The following MYO16 variants were observed in gnomAD, a reference collection of about 807,000 sequenced individuals.
MYO16 encodes unconventional myosin-XVI.
In MYO16, 94 loss-of-function variants were observed where a neutral mutation model predicts 205.3. The observed-to-expected ratio is 0.46, with a 90% CI of 0.39 to 0.54. The LOEUF is 0.54. Ranked by LOEUF, MYO16 falls within the 20% of genes least tolerant of loss-of-function variation. MYO16 has a pLI of 0.00. For synonymous variants in MYO16, 988 were observed against 954.0 expected, an observed-to-expected ratio of 1.04 and a Z score of -0.66; for missense variants, 2,315 against 2,387.5, an observed-to-expected ratio of 0.97 and a Z score of 0.63.
chr13:108,991,826 A>G (rs993482159), intron 20 of MYO16, among the ~76,000 whole-genome samples: 1 of 152,264 alleles, frequency 6.6e-6, no homozygotes, highest in Admixed American at 6.5e-5. Flanking sequence ...GGAGATAGCC[A>G]CGAGAACTAT....
chr13:109,112,947 T>C (rs563288427), intron 28 of MYO16, among the ~76,000 whole-genome samples: 4 of 152,336 alleles, frequency 2.6e-5, no homozygotes, highest in African/African-American at 9.6e-5. Context: ...TATCTCACAG[T>C]TAAGTTGAAT....
chr13:108,652,267 C>A (rs1427390792), intron 1 of MYO16, among the ~76,000 whole-genome samples: 7 of 152,118 alleles, frequency 4.6e-5, no homozygotes. Context: ...TCTCAGAATT[C>A]CTAGCAAATA....
chr13:108,706,720 A>T (rs558264287), intron 2 of MYO16, among the ~76,000 whole-genome samples: 105 of 152,324 alleles, frequency 6.9e-4, no homozygotes, highest in African/African-American at 2.3e-3. Flanking sequence ...CTGGATTGGG[A>T]TTGGAGAATC....
At chr13:108,823,323 G>C in intron 9 of MYO16, 45 bp downstream of exon 9, 1 of 1,547,312 alleles carries the variant, frequency 6.5e-7, no homozygotes, top group East Asian at 2.3e-5. Context: ...TTCTCTACCT[G>C]CTGGTCATTT....
chr13:108,576,984 C>T, the MYO16 span, among the ~76,000 whole-genome samples: 1 of 152,172 alleles, frequency 6.6e-6, no homozygotes, highest in African/African-American at 2.4e-5. Context: ...TGGTCTTGCA[C>T]TCCTGACCTC....
At chr13:108,873,018 C>T (rs1358636712) in intron 12 of MYO16, among the ~76,000 whole-genome samples, 3 of 152,112 alleles carry the variant, frequency 2.0e-5, no homozygotes, top group Admixed American at 6.6e-5. Context: ...AGTGGTTATT[C>T]CCTGTAGCAA....
Position 108,629,721 on chromosome 13 carries a change from T to C in MYO16, c.-124T>C, listed in dbSNP as rs1398733708. On this transcript the variant is annotated 5_prime_UTR_variant, in exon 1 of 35. The change abolishes the stop of an existing upstream ORF in the 5' untranslated region. Transcript: ENST00000457511. ...ATCATGGAACAGAGCCTCCATGCAA[T>C]AGTGCATCCTGAGGTAAACTGTTAC... The C allele has an allele frequency of 3.7e-5, 30 of 810,678 alleles. No individual in the cohort carries two copies. Among genetic ancestry groups the C allele is most frequent in the Non-Finnish European group, 5.3e-5 (27 of 513,286 alleles). The allele number at this position is 810,678 out of a possible 1,614,324, so 50.2% of individuals were successfully genotyped here. A position where few individuals can be genotyped will look rare whatever the true frequency, so the allele number is the denominator to read the frequency against.
chr13:108,665,448 T>C (rs560790139), intron 1 of MYO16, among the ~76,000 whole-genome samples: 2 of 152,286 alleles, frequency 1.3e-5, no homozygotes, highest in South Asian at 4.1e-4. Flanking sequence ...AACAGCGTCA[T>C]GATTAGTCAT....
chr13:108,995,177 T>C (rs972424966), intron 21 of MYO16, among the ~76,000 whole-genome samples: 6 of 152,174 alleles, frequency 3.9e-5, no homozygotes. Context: ...AAGATCAAGA[T>C]GGCAGTGGAC....
At chr13:108,543,259 T>C in the MYO16 span, among the ~76,000 whole-genome samples, 1 of 152,218 alleles carries the variant, frequency 6.6e-6, no homozygotes, top group Admixed American at 6.5e-5. Context: ...TTATGTTTAC[T>C]ATGATTGTAA....
intron 15 of MYO16, among the ~76,000 whole-genome samples, chr13:108,898,671 A>G (rs1252154766): frequency 1.3e-5 from 2 of 152,124 alleles, no homozygotes. Flanking sequence ...AAATGACTGA[A>G]TTAAATCTAA....
chr13:108,962,286 C>G, intron 18 of MYO16, 138 bp from the exon 19 acceptor site: 1 of 625,402 alleles, frequency 1.6e-6, no homozygotes, highest in South Asian at 2.0e-5. Context: ...TTGACAATTA[C>G]AGTGGTAATG....
intron 2 of MYO16, among the ~76,000 whole-genome samples, chr13:108,699,687 C>T (rs117731423): frequency 5.5e-4 from 84 of 152,192 alleles, no homozygotes; most frequent in Middle Eastern, 6.8e-3. Context: ...TCCTGATTCC[C>T]GCCAGACAAT....
chr13:108,716,033 C>T (rs1449261082), intron 3 of MYO16, among the ~76,000 whole-genome samples: 5 of 150,366 alleles, frequency 3.3e-5, no homozygotes, highest in South Asian at 2.1e-4. Flanking sequence ...CTTGCTTCTC[C>T]GTAGATCTTG....
At chr13:108,528,185 A>C in the MYO16 span, among the ~76,000 whole-genome samples, 2 of 152,242 alleles carry the variant, frequency 1.3e-5, no homozygotes, top group East Asian at 3.9e-4. Flanking sequence ...TCATGAAAAC[A>C]GATTAGCACT....
rs116396349 is a variant in MYO16, at chr13:108,657,495, T to C, written c.29-8391T>C. 2.7e-3 allele frequency among the ~76,000 whole-genome samples: 418 copies of C among 152,364 alleles called. 1 individual carries two copies. The highest frequency in any genetic ancestry group is 9.6e-3 in the African/African-American group (398 of 41,598). On this transcript the variant is annotated intron_variant, in intron 1 of 34. Transcript: ENST00000457511. ...TATTTCGAGAGGTGGAAGAAATATA[T>C]ATCTTGGTTGTAGGAAAGATGATTC... is the stretch of plus-strand genomic sequence containing the variant.
At chr13:108,993,388 CAGTT>C (rs1423835336) in intron 21 of MYO16, among the ~76,000 whole-genome samples, 2 of 152,126 alleles carry the variant, frequency 1.3e-5, no homozygotes. Flanking sequence ...GTTCTCGTGT[CAGTT>C]ACTCTCATAC....
intron 4 of MYO16, among the ~76,000 whole-genome samples, chr13:108,783,151 A>G (rs1391856196): frequency 6.6e-6 from 1 of 152,188 alleles, no homozygotes; most frequent in Non-Finnish European, 1.5e-5. Context: ...TCGTGAAAGC[A>G]GCCAGGAGGG....
intron 1 of MYO16, among the ~76,000 whole-genome samples, chr13:108,641,964 G>A (rs567962618): frequency 1.3e-5 from 2 of 152,276 alleles, no homozygotes; most frequent in Non-Finnish European, 2.9e-5. Flanking sequence ...ATCATTAGGG[G>A]AGACTCCACT....
Sources: allele counts gnomAD v4.1 joint callset (sites outside exome capture counted in the v4.1 genomes callset), GRCh38; gene constraint gnomAD v4.1.1; transcripts MANE v1.5; gene names NCBI Gene and HGNC (gene_info 2026-07-23, HGNC 2026-07-21).